ALPK2: variants seen among roughly 807,000 people sequenced by gnomAD.
ALPK2 encodes the protein alpha kinase 2.
Under a neutral mutation model 163.1 loss-of-function variants are expected in ALPK2, and 127 were observed. The observed-to-expected ratio is 0.78, with a 90% CI of 0.67 to 0.90. The LOEUF (loss-of-function observed/expected upper bound fraction) is 0.90. ALPK2 is among the 40% of genes least tolerant of loss of function. The pLI is 0.00. For synonymous variants in ALPK2, 953 were observed against 959.1 expected (o/e 0.99, Z 0.12); for missense variants, 2,360 against 2,589.6 (o/e 0.91, Z 1.92).
intron 6 of ALPK2, among the ~76,000 whole-genome samples, chr18:58,527,515 G>A (rs1323937823): frequency 6.6e-6 from 1 of 152,154 alleles, no homozygotes; most frequent in Non-Finnish European, 1.5e-5. Flanking sequence ...TAGGTTTATC[G>A]TAAATACACA....
intron 11 of ALPK2, among the ~76,000 whole-genome samples, chr18:58,500,640 C>T (rs1016375226): frequency 1.3e-5 from 2 of 152,174 alleles, no homozygotes; most frequent in Non-Finnish European, 2.9e-5. Flanking sequence ...TCATTCTCCA[C>T]TTGGCTGGGC....
chr18:58,529,417 A>G (rs1422607894), intron 5 of ALPK2, among the ~76,000 whole-genome samples, 179 bp from the exon 6 acceptor site: 1 of 152,232 alleles, frequency 6.6e-6, no homozygotes, highest in Non-Finnish European at 1.5e-5. Context: ...TTTACAAATC[A>G]ATCTAATAGA....
intron 1 of ALPK2, among the ~76,000 whole-genome samples, chr18:58,618,623 C>A (rs531871508): frequency 6.6e-6 from 1 of 152,160 alleles, no homozygotes; most frequent in African/African-American, 2.4e-5. Flanking sequence ...AAGTGTTAGC[C>A]GCTGCCAGTG....
At chr18:58,618,669 T>A (rs1424159485) in intron 1 of ALPK2, among the ~76,000 whole-genome samples, 1 of 152,230 alleles carries the variant, frequency 6.6e-6, no homozygotes, top group Non-Finnish European at 1.5e-5. Context: ...GAAAAAATAA[T>A]GTATTTCTCT....
intron 4 of ALPK2, among the ~76,000 whole-genome samples, chr18:58,560,756 G>C (rs1412975962): frequency 6.6e-6 from 1 of 152,178 alleles, no homozygotes; most frequent in Non-Finnish European, 1.5e-5. Context: ...TACTTCAGGG[G>C]GGCAGGGTCA....
intron 11 of ALPK2, among the ~76,000 whole-genome samples, chr18:58,498,352 G>T (rs940227557): frequency 1.3e-5 from 2 of 152,182 alleles, no homozygotes; most frequent in Middle Eastern, 3.2e-3. Flanking sequence ...TCCTCTGCCT[G>T]CCTGGCCCAC....
chr18:58,524,676 C>G (rs1456710202), intron 6 of ALPK2, among the ~76,000 whole-genome samples: 1 of 152,154 alleles, frequency 6.6e-6, no homozygotes, highest in African/African-American at 2.4e-5. Context: ...CTAATGTGCA[C>G]TGAGCATTTG....
chr18:58,575,566 A>T (rs1397330971), intron 4 of ALPK2, among the ~76,000 whole-genome samples: 1 of 152,224 alleles, frequency 6.6e-6, no homozygotes, highest in Non-Finnish European at 1.5e-5. Context: ...TTCTGATTTA[A>T]GGGTGAGGAT....
chr18:58,550,089 C>G (rs2051743206), intron 4 of ALPK2, among the ~76,000 whole-genome samples: 1 of 152,102 alleles, frequency 6.6e-6, no homozygotes, highest in Non-Finnish European at 1.5e-5. Flanking sequence ...ATAAGATTCT[C>G]TGATCTAAGA....
At chr18:58,575,960 G>A (rs1410270593) in intron 4 of ALPK2, among the ~76,000 whole-genome samples, 1 of 152,188 alleles carries the variant, frequency 6.6e-6, no homozygotes, top group Non-Finnish European at 1.5e-5. Context: ...GAGAGATGGA[G>A]TTTTTCTCAG....
intron 1 of ALPK2, among the ~76,000 whole-genome samples, chr18:58,621,190 TAAA>T (rs548443252): frequency 2.0e-5 from 3 of 148,156 alleles, no homozygotes; most frequent in Non-Finnish European, 4.5e-5. Flanking sequence ...GATAATGGAA[TAAA>T]AAAAATGCAC....
At chr18:58,488,549 G>C (rs1207943422) in intron 12 of ALPK2, among the ~76,000 whole-genome samples, 1 of 150,548 alleles carries the variant, frequency 6.6e-6, no homozygotes, top group Non-Finnish European at 1.5e-5. Flanking sequence ...CTGAGTTAGA[G>C]AAACCAAGGT....
At chr18:58,587,877 A>G (rs2051995451) in intron 3 of ALPK2, among the ~76,000 whole-genome samples, 1 of 152,236 alleles carries the variant, frequency 6.6e-6, no homozygotes, top group African/African-American at 2.4e-5. Flanking sequence ...GATAGCTTGA[A>G]AGTTTGGATT....
At chr18:58,488,893 A>G (rs1211865555) in intron 12 of ALPK2, among the ~76,000 whole-genome samples, 1 of 152,150 alleles carries the variant, frequency 6.6e-6, no homozygotes, top group Non-Finnish European at 1.5e-5. Flanking sequence ...TGGAAACAGC[A>G]AGAGATTCCC....
chr18:58,544,826 C>T (rs542973163), intron 4 of ALPK2, among the ~76,000 whole-genome samples: 24 of 152,292 alleles, frequency 1.6e-4, no homozygotes, highest in African/African-American at 5.3e-4. Context: ...TTCAACAGTA[C>T]CGCCAATCCC....
intron 4 of ALPK2, among the ~76,000 whole-genome samples, chr18:58,555,984 G>T (rs780707652): frequency 2.0e-5 from 3 of 152,092 alleles, no homozygotes; most frequent in Non-Finnish European, 2.9e-5. Flanking sequence ...ACCACGCCTG[G>T]CTAATTTTTG....
At chr18:58,512,738 T>TG (rs2051497126) in intron 10 of ALPK2, among the ~76,000 whole-genome samples, 1 of 123,630 alleles carries the variant, frequency 8.1e-6, no homozygotes, top group South Asian at 3.5e-4. Context: ...GGTGTGTGTG[T>TG]TATGTGGTGT....
At chr18:58,566,856 CTTG>C (rs750243740) in intron 4 of ALPK2, among the ~76,000 whole-genome samples, 12 of 152,266 alleles carry the variant, frequency 7.9e-5, no homozygotes, top group Middle Eastern at 3.4e-3. Context: ...GCCTAAATTT[CTTG>C]TTGTTTCCAA....
At chr18:58,573,067 C>T (rs1028493682) in intron 4 of ALPK2, among the ~76,000 whole-genome samples, 1 of 151,872 alleles carries the variant, frequency 6.6e-6, no homozygotes, top group South Asian at 2.1e-4. Flanking sequence ...GTAATAAAAC[C>T]GTTTGTAAAT....
Sources: allele counts gnomAD v4.1 joint callset (sites outside exome capture counted in the v4.1 genomes callset), GRCh38; gene constraint gnomAD v4.1.1; transcripts MANE v1.5; gene names NCBI Gene and HGNC (gene_info 2026-07-23, HGNC 2026-07-21).